CREB5: variants seen among roughly 807,000 people sequenced by gnomAD.
CREB5 encodes cyclic AMP-responsive element-binding protein 5.
Under a neutral mutation model 57.1 loss-of-function variants are expected in CREB5, and 19 were observed. The observed-to-expected ratio is 0.33, with a 90% CI of 0.23 to 0.49. The LOEUF is 0.49. Ranked by LOEUF, CREB5 falls within the 20% of genes least tolerant of loss-of-function variation. CREB5 has a pLI of 0.99. For synonymous variants in CREB5, 238 were observed against 238.3 expected (o/e 1.00, Z 0.01); for missense variants, 579 against 671.6 (o/e 0.86, Z 1.52).
At chr7:28,487,958 C>T (rs557874793) in intron 1 of CREB5, among the ~76,000 whole-genome samples, 2 of 152,160 alleles carry the variant, frequency 1.3e-5, no homozygotes, top group Non-Finnish European at 2.9e-5. Flanking sequence ...TCAGTATGCA[C>T]TCGAGTAAAG....
chr7:28,305,695 A>T (rs1227847496), intron 1 of CREB5, among the ~76,000 whole-genome samples: 1 of 149,928 alleles, frequency 6.7e-6, no homozygotes, highest in Non-Finnish European at 1.5e-5. Flanking sequence ...GGTGAATATC[A>T]TCTGTCTTCT....
chr7:28,359,851 A>G (rs57034815), intron 1 of CREB5, among the ~76,000 whole-genome samples: 1,557 of 152,350 alleles, frequency 0.01, 22 homozygotes, highest in African/African-American at 0.035. Context: ...TCCAAAATAT[A>G]TAAGGAACTC....
intron 1 of CREB5, among the ~76,000 whole-genome samples, chr7:28,395,707 T>G (rs980896819): frequency 8.5e-5 from 13 of 152,182 alleles, no homozygotes; most frequent in African/African-American, 2.9e-4. Flanking sequence ...CTTTTTACCC[T>G]GGTGGGGCCA....
rs1554344299 is a variant in CREB5, at chr7:28,560,855, T to TGCGTGTGCGTGC, written c.292-9509_292-9508insCGTGTGCGTGCG. 3.2e-4 allele frequency among the ~76,000 whole-genome samples: 18 copies of TGCGTGTGCGTGC among 56,430 alleles called. 1 individual carries two copies. The highest frequency in any genetic ancestry group is 1.3e-3 in the African/African-American group (18 of 14,188). 37.0% of individuals were successfully genotyped at this position (56,430 alleles called of 152,430 possible). The stretch of plus-strand genomic sequence containing the variant: ...GCGCGTGTGTGTGTGCGCGTGTGTG[T>TGCGTGTGCGTGC]GTGCGTGTGCCTGCGTGCGCGTGCG... On this transcript the variant is annotated intron_variant, in intron 4 of 10. Transcript: ENST00000357727.
intron 1 of CREB5, among the ~76,000 whole-genome samples, chr7:28,428,951 T>G (rs1788612341): frequency 6.6e-6 from 1 of 152,166 alleles, no homozygotes; most frequent in South Asian, 2.1e-4. Flanking sequence ...TTTCCCAATC[T>G]CAATATGTCC....
At chr7:28,454,422 G>A (rs774512848) in intron 1 of CREB5, among the ~76,000 whole-genome samples, 5 of 152,162 alleles carry the variant, frequency 3.3e-5, no homozygotes, top group Non-Finnish European at 5.9e-5. Flanking sequence ...TGTGAGGATA[G>A]TGAGGCAGCA....
intron 5 of CREB5, among the ~76,000 whole-genome samples, chr7:28,647,931 T>C (rs1390626578): frequency 6.6e-6 from 1 of 151,830 alleles, no homozygotes; most frequent in Non-Finnish European, 1.5e-5. Flanking sequence ...AAAATAAAAA[T>C]AAGAGAAAAT....
chr7:28,339,252 G>T (rs1009065342), intron 1 of CREB5, among the ~76,000 whole-genome samples: 4 of 152,088 alleles, frequency 2.6e-5, no homozygotes, highest in Admixed American at 2.6e-4. Flanking sequence ...CATGTTTGTA[G>T]CCATCCTTCT....
At chr7:28,612,226 A>G (rs1317904302) in intron 5 of CREB5, among the ~76,000 whole-genome samples, 1 of 152,108 alleles carries the variant, frequency 6.6e-6, no homozygotes, top group Non-Finnish European at 1.5e-5. Flanking sequence ...ATGAGTCAGA[A>G]TCACAAATAT....
chr7:28,804,538 G>C lies in CREB5; in HGVS notation c.1026+16G>C, dbSNP rs762387301. The stretch of plus-strand genomic sequence containing the variant: ...CCAAGCACAGGTAGACCTTTTCCGT[G>C]ATCTCTTTCCCCTTCTTATTCTCCT... On this transcript the variant is annotated intron_variant, in intron 8 of 10. Transcript: ENST00000357727. 31 of 1,610,558 alleles carry C rather than the reference G, an allele frequency of 1.9e-5. No individual in the cohort carries two copies. The African/African-American group carries it at 3.6e-4, about 19-fold the overall frequency.
intron 1 of CREB5, among the ~76,000 whole-genome samples, chr7:28,367,320 C>A (rs543926054): frequency 2.0e-4 from 30 of 152,308 alleles, no homozygotes; most frequent in African/African-American, 7.0e-4. Flanking sequence ...CAATTGGCAT[C>A]CCACACTGCT....
At chr7:28,816,553 TTATTA>T (rs1809449807) in intron 9 of CREB5, among the ~76,000 whole-genome samples, 1 of 142,838 alleles carries the variant, frequency 7.0e-6, no homozygotes, top group Non-Finnish European at 1.5e-5. Context: ...GATGAGATTT[TTATTA>T]TTTTGTCATT....
At chr7:28,772,623 T>C (rs1806389098) in intron 7 of CREB5, among the ~76,000 whole-genome samples, 2 of 152,174 alleles carry the variant, frequency 1.3e-5, no homozygotes, top group African/African-American at 4.8e-5. Flanking sequence ...AAATTCTCTT[T>C]GAGAGACATT....
chr7:28,501,549 C>CGAAGTCCAGA (rs1792275026), intron 3 of CREB5, among the ~76,000 whole-genome samples: 1 of 152,176 alleles, frequency 6.6e-6, no homozygotes, highest in Non-Finnish European at 1.5e-5. Context: ...TGTCTGGAAA[C>CGAAGTCCAGA]CAGTCCCCTT....
rs1203257412 is a variant in CREB5, at chr7:28,809,295, C to T, written c.1135C>T (p.Arg379Trp). ...AGACGAGGATCCGGACGAGAGGCGGCGGAAATTTCTGGAACGGAACCGGGC... is the reference window on the plus strand; with the variant it reads ...AGACGAGGATCCGGACGAGAGGCGGTGGAAATTTCTGGAACGGAACCGGGC... The part of the protein sequence containing the change: ...VVDEDPDERR[R>W]KFLERNRAAA... The change falls in exon 9 of 11, where the codon CGG becomes TGG. Residue 379 changes from arginine (R) to tryptophan (W), a missense_variant. Arg to Trp is a moderately radical substitution (Grantham distance 101). This residue lies in a region of CREB5 where 459 missense variants were observed against 515.7 expected (regional missense o/e 0.89). Transcript: ENST00000357727. 1.9e-6 allele frequency: 3 copies of T among 1,614,122 alleles called. No individual in the cohort carries two copies. Among genetic ancestry groups the T allele is most frequent in the Non-Finnish European group, 2.5e-6 (3 of 1,180,030 alleles).
Position 28,405,218 on chromosome 7 carries a change from G to A in CREB5, c.-24-89688G>A, listed in dbSNP as rs146984448. ...AGGGATGGAAACTTCCCAATGGGAC[G>A]ATAGCTAGATGTTTAACCACAAAAT... On this transcript the variant is annotated intron_variant, in intron 1 of 9. Coordinates refer to the CREB5 transcript ENST00000396299. Among the ~76,000 whole-genome samples the A allele has an allele frequency of 9.2e-5, 14 of 152,322 alleles. 1 individual carries two copies. Among genetic ancestry groups the A allele is most frequent in the South Asian group, 4.1e-4 (2 of 4,828 alleles).
At chr7:28,574,617 T>C (rs1297967636) in intron 5 of CREB5, among the ~76,000 whole-genome samples, 3 of 152,220 alleles carry the variant, frequency 2.0e-5, no homozygotes, top group Non-Finnish European at 4.4e-5. Context: ...AGAATGGATA[T>C]CAGTACAGAG....
rs372361207 is a variant in CREB5 at position 28,647,085 on chromosome 7, G to A, written c.465-71668G>A. ...AGGGGAATTTATTCAAAGATATTTG[G>A]ACTCCCCGAATTAGCCAGAGACTGG... On this transcript the variant is annotated intron_variant, in intron 5 of 10. Transcript: ENST00000357727. Among the ~76,000 whole-genome samples, 53 of 151,918 alleles carry A rather than the reference G, an allele frequency of 3.5e-4. 3 individuals are homozygous for A. Among genetic ancestry groups the A allele is most frequent in the African/African-American group, 1.3e-3 (52 of 41,490 alleles).
At chr7:28,445,609 T>C (rs1366759886) in intron 1 of CREB5, among the ~76,000 whole-genome samples, 2 of 151,944 alleles carry the variant, frequency 1.3e-5, no homozygotes, top group Non-Finnish European at 2.9e-5. Context: ...TGGAGTGCAG[T>C]GGCGCGATCT....
Sources: allele counts gnomAD v4.1 joint callset (sites outside exome capture counted in the v4.1 genomes callset), GRCh38; gene constraint gnomAD v4.1.1; regional missense constraint gnomAD v4.1.1; transcripts MANE v1.5; gene names NCBI Gene and HGNC (gene_info 2026-07-23, HGNC 2026-07-21).